The following GABRA2 variants were observed in gnomAD, a reference collection of about 807,000 sequenced individuals.
The protein encoded by GABRA2 is gamma-aminobutyric acid type A receptor subunit alpha2.
Under a neutral mutation model 48.7 loss-of-function variants are expected in GABRA2, and 16 were observed. That is an observed-to-expected ratio of 0.33 (90% CI 0.22 to 0.50). The LOEUF is 0.50. Among genes scored for constraint, GABRA2 ranks in the 20% least tolerant of loss-of-function variants. The pLI is 0.98. For missense variants in GABRA2, 275 were observed against 535.6 expected (o/e 0.51, Z 4.80); for synonymous variants, 185 against 184.5 (o/e 1.00, Z -0.02).
At chr4:46,327,730 G>T (rs773262813) in intron 4 of GABRA2, among the ~76,000 whole-genome samples, 6 of 151,984 alleles carry the variant, frequency 3.9e-5, no homozygotes, top group Non-Finnish European at 8.8e-5. Context: ...TGCACTCTGT[G>T]TTTTTGCAGA....
chr4:46,296,080 C>A (rs59648806), intron 8 of GABRA2, among the ~76,000 whole-genome samples: 1 of 152,250 alleles, frequency 6.6e-6, no homozygotes, highest in African/African-American at 2.4e-5. Context: ...AATTACAAAG[C>A]CAACTAGGTG....
intron 3 of GABRA2, among the ~76,000 whole-genome samples, chr4:46,376,956 C>G (rs966808809): frequency 6.6e-6 from 1 of 152,130 alleles, no homozygotes; most frequent in Non-Finnish European, 1.5e-5. Context: ...GGGCTGATCT[C>G]CAGCTCCTAA....
intron 8 of GABRA2, among the ~76,000 whole-genome samples, chr4:46,282,110 T>C (rs1341591056): frequency 6.6e-6 from 1 of 152,158 alleles, no homozygotes; most frequent in Non-Finnish European, 1.5e-5. Flanking sequence ...CAAAGCAAGT[T>C]CATCATCAAA....
intron 3 of GABRA2, among the ~76,000 whole-genome samples, chr4:46,361,148 A>T (rs542302987): frequency 6.6e-6 from 1 of 152,322 alleles, no homozygotes; most frequent in Non-Finnish European, 1.5e-5. Flanking sequence ...TGCATTAGTA[A>T]TGAGGAGCCC....
chr4:46,252,013 G>T (rs756943216), intron 9 of GABRA2, among the ~76,000 whole-genome samples: 2 of 151,506 alleles, frequency 1.3e-5, no homozygotes, highest in Non-Finnish European at 3.0e-5. Flanking sequence ...AGTGAGCAGG[G>T]TGTAAAGCAA....
chr4:46,321,914 A>G (rs1578042906), intron 4 of GABRA2, among the ~76,000 whole-genome samples: 1 of 151,946 alleles, frequency 6.6e-6, no homozygotes, highest in Non-Finnish European at 1.5e-5. Context: ...ATTGGAGAAT[A>G]AGCCACCTGT....
At chr4:46,383,329 C>T (rs967117004) in intron 3 of GABRA2, among the ~76,000 whole-genome samples, 1 of 152,140 alleles carries the variant, frequency 6.6e-6, no homozygotes, top group Admixed American at 6.6e-5. Context: ...TTTACTAAAT[C>T]TCCAGTCTAA....
At chr4:46,279,198 A>G (rs1192592493) in intron 8 of GABRA2, among the ~76,000 whole-genome samples, 1 of 152,102 alleles carries the variant, frequency 6.6e-6, no homozygotes, top group East Asian at 1.9e-4. Context: ...TTTTTGATAC[A>G]GCACTCTGAT....
chr4:46,282,873 GTTT>G (rs1423937264), intron 8 of GABRA2, among the ~76,000 whole-genome samples: 1 of 152,166 alleles, frequency 6.6e-6, no homozygotes, highest in Non-Finnish European at 1.5e-5. Context: ...ACAAGTTTGT[GTTT>G]TAATTCCCTA....
chr4:46,303,391 A>G (rs1726089819), intron 8 of GABRA2, 69 bp downstream of exon 8: 1 of 1,425,372 alleles, frequency 7.0e-7, no homozygotes. Context: ...GAGGATCAAG[A>G]GAGATAATGT....
intron 7 of GABRA2, among the ~76,000 whole-genome samples, 158 bp downstream of exon 7, chr4:46,305,410 T>A (rs559553613): frequency 7.2e-4 from 90 of 124,782 alleles, no homozygotes; most frequent in African/African-American, 2.5e-3. Context: ...ACTTAAAGTA[T>A]AATTAAAAAA....
intron 3 of GABRA2, among the ~76,000 whole-genome samples, chr4:46,371,184 T>C (rs960399116): frequency 1.3e-5 from 2 of 152,184 alleles, no homozygotes; most frequent in African/African-American, 4.8e-5. Context: ...ACAATGTTTT[T>C]CACCAATTTA....
intron 3 of GABRA2, among the ~76,000 whole-genome samples, chr4:46,346,269 C>A (rs551416681): frequency 6.6e-6 from 1 of 151,838 alleles, no homozygotes. Flanking sequence ...CACTAAGGAA[C>A]GCTTGCCTCT....
chr4:46,297,476 C>CAT (rs56201706), intron 8 of GABRA2, among the ~76,000 whole-genome samples: 1,541 of 87,424 alleles, frequency 0.018, 63 homozygotes, highest in South Asian at 0.034. Flanking sequence ...AATAAAATCC[C>CAT]ATATATATAT....
At chr4:46,287,818 G>A (rs926548030) in intron 8 of GABRA2, among the ~76,000 whole-genome samples, 1 of 152,048 alleles carries the variant, frequency 6.6e-6, no homozygotes, top group African/African-American at 2.4e-5. Context: ...TGGTAAAATA[G>A]CTGTATTTGT....
At chr4:46,339,797 G>A (rs2109848256) in intron 3 of GABRA2, among the ~76,000 whole-genome samples, 1 of 151,788 alleles carries the variant, frequency 6.6e-6, no homozygotes, top group East Asian at 1.9e-4. Context: ...AGTTTTTGGT[G>A]TTCTGTATTT....
intron 8 of GABRA2, among the ~76,000 whole-genome samples, chr4:46,287,709 G>C (rs1347950507): frequency 6.6e-6 from 1 of 151,362 alleles, no homozygotes; most frequent in Non-Finnish European, 1.5e-5. Context: ...CAGCGCACCA[G>C]CATGGCACAT....
chr4:46,327,980 A>G (rs1293055259), intron 4 of GABRA2, among the ~76,000 whole-genome samples: 2 of 151,992 alleles, frequency 1.3e-5, no homozygotes, highest in Non-Finnish European at 2.9e-5. Flanking sequence ...CCTTAATAAT[A>G]TGCACACACA....
intron 4 of GABRA2, among the ~76,000 whole-genome samples, chr4:46,315,449 T>C (rs1728390742): frequency 6.6e-6 from 1 of 151,960 alleles, no homozygotes; most frequent in African/African-American, 2.4e-5. Context: ...TAACATAGTT[T>C]GAGTCTTTTT....
Sources: gnomAD v4.1 joint callset for allele counts (sites outside exome capture counted in the v4.1 genomes callset) on GRCh38, gnomAD v4.1.1 for gene constraint, MANE v1.5 for transcripts, NCBI Gene and HGNC (gene_info 2026-07-23, HGNC 2026-07-21) for gene names.